Variants in YTHDF1 observed in about 807,000 individuals in gnomAD.
The protein encoded by YTHDF1 is YTH N6-methyladenosine RNA binding protein F1.
Under a neutral mutation model 49.1 loss-of-function variants are expected in YTHDF1, and 16 were observed. The ratio of observed to expected loss-of-function variants is 0.33; its 90% CI spans 0.22 to 0.49. The LOEUF (loss-of-function observed/expected upper bound fraction) is 0.49, where lower values mean the gene tolerates loss of function less well. Among genes scored for constraint, YTHDF1 ranks in the 20% least tolerant of loss-of-function variants. YTHDF1 has a pLI of 0.99. For synonymous variants in YTHDF1, 313 were observed against 290.1 expected, an observed-to-expected ratio of 1.08 and a Z score of -0.80; for missense variants, 621 against 744.3, an observed-to-expected ratio of 0.83 and a Z score of 1.93.
intron 3 of YTHDF1, among the ~76,000 whole-genome samples, chr20:63,211,835 T>C (rs2066575758): frequency 6.6e-6 from 1 of 152,088 alleles, no homozygotes; most frequent in African/African-American, 2.4e-5. Context: ...TGCATGCCTG[T>C]AGTCCCAGCT....
chr20:63,199,123 G>A (rs1366292810), intron 4 of YTHDF1, among the ~76,000 whole-genome samples: 4 of 152,226 alleles, frequency 2.6e-5, no homozygotes, highest in African/African-American at 9.6e-5. Context: ...GAAAAGGTGG[G>A]TCTGTTCTTC....
intron 3 of YTHDF1, among the ~76,000 whole-genome samples, chr20:63,204,669 A>C (rs1306370508): frequency 6.6e-6 from 1 of 152,128 alleles, no homozygotes; most frequent in Non-Finnish European, 1.5e-5. Context: ...CTGGAACCTC[A>C]GAGAGTGGTT....
intron 3 of YTHDF1, among the ~76,000 whole-genome samples, chr20:63,210,712 A>C (rs1055652313): frequency 6.6e-6 from 1 of 152,184 alleles, no homozygotes; most frequent in South Asian, 2.1e-4. Context: ...CACTTGAGCC[A>C]GGGAGGTGGA....
chr20:63,203,241 C>G lies in YTHDF1; in HGVS notation c.699G>C (p.Ser233=), dbSNP rs747220223. ...NVNMPVSKPT[S]WAAIASKPAK... ...CAGGCTTGCTGGCAATGGCAGCCCA[C>G]GAGGTCGGCTTTGAAACTGGCATGT... The change falls in exon 4 of 5, where the codon TCG becomes TCC. Residue 233 remains serine (S), a synonymous_variant. Transcript: ENST00000370339. The surrounding 1 kb of genome is among the most constrained non-coding windows in gnomAD (Gnocchi z 4.4). The G allele has an allele frequency of 6.2e-7, 1 of 1,613,836 alleles. No homozygotes were observed. The highest frequency in any genetic ancestry group is 1.3e-5 in the African/African-American group (1 of 74,932).
At chr20:63,200,525 C>G (rs574933864) in intron 4 of YTHDF1, among the ~76,000 whole-genome samples, 191 of 152,300 alleles carry the variant, frequency 1.3e-3, no homozygotes, top group African/African-American at 4.5e-3. Flanking sequence ...AATGATGCTC[C>G]ACCAGCGGCT....
intron 4 of YTHDF1, among the ~76,000 whole-genome samples, chr20:63,199,685 A>C (rs1034961407): frequency 4.6e-5 from 7 of 152,200 alleles, no homozygotes; most frequent in African/African-American, 1.7e-4. Flanking sequence ...CTTCGCAGGC[A>C]GGGAGAGCCA....
At position 63,202,317 on chromosome 20, in the gene YTHDF1, C is replaced by T. The variant is rs775205719; in HGVS notation, c.1623G>A (p.Lys541=). 4.3e-6 allele frequency: 7 copies of T among 1,613,974 alleles called. No individual in the cohort carries two copies. In the African/African-American group the frequency reaches 9.3e-5, roughly 22 times the overall value. ...SIFDDFAHYE[K]RQEEEEVVRK... ...GCACCACCTCCTCCTCCTCCTGGCG[C>T]TTCTCGTAGTGAGCAAAGTCGTCGA... The change falls in exon 4 of 5, where the codon AAG becomes AAA. Residue 541 remains lysine, a synonymous_variant. Coordinates refer to ENST00000370339, the MANE Select transcript of YTHDF1 (RefSeq NM_017798.4).
intron 3 of YTHDF1, among the ~76,000 whole-genome samples, chr20:63,212,533 T>C (rs1260583676): frequency 6.6e-6 from 1 of 152,260 alleles, no homozygotes; most frequent in Non-Finnish European, 1.5e-5. Flanking sequence ...TGCTTTGTGC[T>C]GCCCCATGAG....
intron 3 of YTHDF1, among the ~76,000 whole-genome samples, chr20:63,209,846 T>C (rs987881733): frequency 6.6e-6 from 1 of 152,210 alleles, no homozygotes; most frequent in Non-Finnish European, 1.5e-5. Context: ...ACAACACACA[T>C]GGAGCTGTCA....
intron 2 of YTHDF1, among the ~76,000 whole-genome samples, chr20:63,214,409 C>G (rs1470713002): frequency 6.6e-6 from 1 of 152,184 alleles, no homozygotes; most frequent in South Asian, 2.1e-4. Flanking sequence ...CAGTGAACCC[C>G]AAATATCTGA....
chr20:63,197,538 A>T (rs2066497802), intron 4 of YTHDF1, among the ~76,000 whole-genome samples: 1 of 152,160 alleles, frequency 6.6e-6, no homozygotes. Flanking sequence ...CAGCATACAA[A>T]GATGAAAATG....
In YTHDF1 at chr20:63,203,849, C is replaced by T. The variant is rs374155690; in HGVS notation, c.133-42G>A. 2.8e-4 allele frequency: 427 copies of T among 1,542,624 alleles called. No individual in the cohort carries two copies. The highest frequency in any genetic ancestry group is 3.6e-4 in the Non-Finnish European group (407 of 1,139,380). Reference sequence around the variant, plus strand: ...GACAAGTTACACCACTTCTACAACACGAGATGCTGAGAATGCCAACCGCCT... The same window carrying T: ...GACAAGTTACACCACTTCTACAACATGAGATGCTGAGAATGCCAACCGCCT... On this transcript the variant is annotated intron_variant, in intron 3 of 4. Transcript: ENST00000370339. This position sits in a 1 kb window ranked among gnomAD's most constrained non-coding sequence, Gnocchi z 4.4.
intron 4 of YTHDF1, among the ~76,000 whole-genome samples, chr20:63,201,617 G>C (rs1477303853): frequency 6.6e-6 from 1 of 152,196 alleles, no homozygotes; most frequent in East Asian, 1.9e-4. Flanking sequence ...CCCAGTCAAT[G>C]AATTTTTGAT....
In YTHDF1 at chr20:63,215,569, C is replaced by T. The variant is rs1194587075; in HGVS notation, c.52+8G>A. ...AGCCCGCGCCGGCCGTCCCGGGACT[C>T]CGCTCACCTTTATTATCTTGTCCTT... On this transcript the variant is annotated splice_region_variant and intron_variant, in intron 2 of 4. Coordinates refer to ENST00000370339, the MANE Select transcript of YTHDF1 (RefSeq NM_017798.4). 6.2e-7 allele frequency: 1 copy of T among 1,613,550 alleles called. No individual in the cohort carries two copies. Among genetic ancestry groups the T allele is most frequent in the South Asian group, 1.1e-5 (1 of 91,058 alleles).
At chr20:63,206,852 C>T (rs1460375809) in intron 3 of YTHDF1, among the ~76,000 whole-genome samples, 1 of 151,058 alleles carries the variant, frequency 6.6e-6, no homozygotes, top group Non-Finnish European at 1.5e-5. Flanking sequence ...CCTGGAGATG[C>T]TGTCCTCTGC....
At chr20:63,214,259 T>C (rs1440335750) in intron 2 of YTHDF1, 7 of 398,548 alleles carry the variant, frequency 1.8e-5, no homozygotes, top group Non-Finnish European at 1.7e-5. Context: ...AGAAGACTTA[T>C]GTGTGGCAAA....
Position 63,203,136 on chromosome 20 carries a change from G to C in YTHDF1, c.804C>G (p.Asn268Lys), listed in dbSNP as rs757368928. ...TGTTATCCCAGGTGCCAATGTCCAT[G>C]TTATGCTTTATGGGTGGAGGGGGCA... Reference protein sequence around the residue: ...GGLPPPPIKHNMDIGTWDNKG... With the variant: ...GGLPPPPIKHKMDIGTWDNKG... The change falls in exon 4 of 5, where the codon AAC becomes AAG. Residue 268 changes from asparagine to lysine, a missense_variant. Around this residue, in one of 2 missense-constraint regions of YTHDF1, gnomAD observed 470 missense variants for 495.8 expected, o/e 0.95. Coordinates refer to ENST00000370339, the MANE Select transcript of YTHDF1 (RefSeq NM_017798.4). The surrounding 1 kb of genome is among the most constrained non-coding windows in gnomAD (Gnocchi z 4.4). 1 of 1,613,714 alleles carries C rather than the reference G, an allele frequency of 6.2e-7. No individual in the cohort carries two copies. Among genetic ancestry groups the C allele is most frequent in the Admixed American group, 1.7e-5 (1 of 60,028 alleles).
chr20:63,197,330 T>C (rs977885949), intron 4 of YTHDF1, among the ~76,000 whole-genome samples: 1 of 152,096 alleles, frequency 6.6e-6, no homozygotes, highest in Admixed American at 6.6e-5. Flanking sequence ...GGGAAGAGCA[T>C]GCCCCTCCCC....
chr20:63,214,788 G>A (rs992196724), intron 2 of YTHDF1, among the ~76,000 whole-genome samples: 7 of 152,164 alleles, frequency 4.6e-5, no homozygotes, highest in African/African-American at 1.7e-4. Context: ...GGCAAACTGT[G>A]GGGGAAGTAT....
Sources: gnomAD v4.1 joint callset for allele counts (sites outside exome capture counted in the v4.1 genomes callset) on GRCh38, gnomAD v4.1.1 for gene constraint, gnomAD v4.1.1 regional missense constraint, Gnocchi (gnomAD v3.1) non-coding constraint, MANE v1.5 for transcripts, NCBI Gene and HGNC (gene_info 2026-07-23, HGNC 2026-07-21) for gene names.